The following GTF2A2 variants were observed in gnomAD, a reference collection of about 807,000 sequenced individuals.
GTF2A2 encodes the protein transcription initiation factor IIA subunit 2.
GTF2A2 carries 9 observed loss-of-function variants against 14.3 expected under a neutral mutation model. The observed-to-expected ratio is 0.63, with a 90% CI of 0.38 to 1.10. The LOEUF is 1.10. GTF2A2 is among the 50% of genes least tolerant of loss of function. The pLI is 0.01. For synonymous variants in GTF2A2, 56 were observed against 46.0 expected (o/e 1.22, Z -0.88); for missense variants, 90 against 124.6 (o/e 0.72, Z 1.32).
intron 1 of GTF2A2, 85 bp from the exon 2 acceptor site, chr15:59,652,411 C>T: frequency 1.7e-6 from 1 of 587,852 alleles, no homozygotes; most frequent in East Asian, 3.0e-5. Context: ...CTCAAATATT[C>T]TAATATAGAA....
In GTF2A2 at chr15:59,646,214, AC is replaced by A. The variant is rs372157190; in HGVS notation, c.178-3953del. On this transcript the variant is annotated intron_variant, in intron 3 of 4. Coordinates refer to ENST00000396060, the MANE Select transcript of GTF2A2 (RefSeq NM_004492.3). ...TGGGACTACAGGAATGCGCCACCAC[AC>A]CCAGCTAATTTTTGTATTTTTAGTA... Among the ~76,000 whole-genome samples the A allele has an allele frequency of 3.8e-3, 580 of 151,920 alleles. 1 individual carries two copies. The highest frequency in any genetic ancestry group is 0.014 in the African/African-American group (566 of 41,448).
At chr15:59,648,811 G>A in intron 3 of GTF2A2, among the ~76,000 whole-genome samples, 1 of 152,098 alleles carries the variant, frequency 6.6e-6, no homozygotes, top group Non-Finnish European at 1.5e-5. Context: ...GCGGGCACCT[G>A]TAGTCCCAGC....
At chr15:59,652,839 T>C (rs559444589) in intron 1 of GTF2A2, 1 of 152,338 alleles carries the variant, frequency 6.6e-6, no homozygotes, top group South Asian at 2.1e-4. Flanking sequence ...GTAACAAACA[T>C]ACAAAAAGAT....
chr15:59,640,542 T>C (rs1427849364), intron 4 of GTF2A2, among the ~76,000 whole-genome samples: 1 of 152,194 alleles, frequency 6.6e-6, no homozygotes, highest in Non-Finnish European at 1.5e-5. Flanking sequence ...GTTAAGTTCC[T>C]CAGCTGCCCA....
chr15:59,643,595 C>CTTTTTT (rs34047348), intron 3 of GTF2A2, among the ~76,000 whole-genome samples: 1 of 109,826 alleles, frequency 9.1e-6, no homozygotes, highest in African/African-American at 3.5e-5. Flanking sequence ...GAAATTTTTA[C>CTTTTTT]TTTTTTTTTT....
chr15:59,653,058 TA>T (rs1891840899), intron 1 of GTF2A2: 1 of 152,238 alleles, frequency 6.6e-6, no homozygotes, highest in Non-Finnish European at 1.5e-5. Context: ...TATCAGGGCA[TA>T]AGTACGAATA....
intron 3 of GTF2A2, among the ~76,000 whole-genome samples, chr15:59,649,929 C>T (rs1004690098): frequency 6.6e-6 from 1 of 152,084 alleles, no homozygotes; most frequent in South Asian, 2.1e-4. Flanking sequence ...ATATTTTAAC[C>T]TTCTTTTGAC....
Position 59,638,164 on chromosome 15 carries a change from A to G in GTF2A2, c.*968T>C, listed in dbSNP as rs539271751. Reference sequence around the variant, plus strand: ...AGTAATCCTCCAGTCTCAGCCTCCTAAAGTACTGGGATTACTTACAGGTGT... The same window carrying G: ...AGTAATCCTCCAGTCTCAGCCTCCTGAAGTACTGGGATTACTTACAGGTGT... On this transcript the variant is annotated 3_prime_UTR_variant, in exon 5 of 5. Coordinates refer to ENST00000396060, the MANE Select transcript of GTF2A2 (RefSeq NM_004492.3). 2 of 152,154 alleles carry G rather than the reference A, an allele frequency of 1.3e-5. No individual in the cohort carries two copies. The highest frequency in any genetic ancestry group is 6.5e-5 in the Admixed American group (1 of 15,268). 9.4% of individuals were successfully genotyped at this position (152,154 alleles called of 1,614,324 possible).
At chr15:59,655,064 C>T (rs1158425019) in intron 1 of GTF2A2, among the ~76,000 whole-genome samples, 1 of 152,176 alleles carries the variant, frequency 6.6e-6, no homozygotes, top group Non-Finnish European at 1.5e-5. Context: ...AATCCTTCTA[C>T]CTTTGTATCA....
At chr15:59,643,858 A>C (rs909437224) in intron 3 of GTF2A2, among the ~76,000 whole-genome samples, 2 of 151,552 alleles carry the variant, frequency 1.3e-5, no homozygotes, top group African/African-American at 4.9e-5. Flanking sequence ...TTGGCCTCCC[A>C]AAGTTTTGGA....
intron 3 of GTF2A2, among the ~76,000 whole-genome samples, chr15:59,645,026 T>C (rs1372905165): frequency 6.6e-6 from 1 of 152,064 alleles, no homozygotes; most frequent in East Asian, 1.9e-4. Flanking sequence ...ACTACAGTAA[T>C]AGTATAGTAA....
chr15:59,644,658 C>T (rs1891544178), intron 3 of GTF2A2, among the ~76,000 whole-genome samples: 1 of 152,102 alleles, frequency 6.6e-6, no homozygotes, highest in Admixed American at 6.6e-5. Context: ...GTATGGAGGA[C>T]ACAAGGCAGA....
chr15:59,650,735 T>A lies in GTF2A2; in HGVS notation c.111A>T (p.Leu37=). 6.2e-7 allele frequency: 1 copy of A among 1,611,400 alleles called. No homozygotes were observed. The highest frequency in any genetic ancestry group is 1.3e-5 in the African/African-American group (1 of 74,948). Residue 37 remains leucine, a synonymous_variant, in exon 3 of 5, where the codon CTA becomes CTT. Transcript: ENST00000396060. ...CATTTATAGCCTTATCAAACTGAAG[T>A]AGAACTTGAAGGGCAAGTTGGGGGG... ...QITPQLALQV[L]LQFDKAINAA... is the part of the protein sequence containing the mutation.
chr15:59,644,225 C>T (rs1475678034), intron 3 of GTF2A2: 5 of 152,136 alleles, frequency 3.3e-5, no homozygotes, highest in Admixed American at 2.0e-4. Flanking sequence ...TGATGAAAGT[C>T]GTGCATAGAC....
At chr15:59,640,264 T>C (rs1338439805) in intron 4 of GTF2A2, 2 of 152,074 alleles carry the variant, frequency 1.3e-5, no homozygotes, top group Non-Finnish European at 2.9e-5. Context: ...TCTTGTATAG[T>C]AAAGAGAAAC....
intron 3 of GTF2A2, among the ~76,000 whole-genome samples, chr15:59,643,595 C>CTTTT (rs34047348): frequency 9.1e-6 from 1 of 109,826 alleles, no homozygotes; most frequent in Non-Finnish European, 1.9e-5. Flanking sequence ...GAAATTTTTA[C>CTTTT]TTTTTTTTTT....
intron 4 of GTF2A2, chr15:59,640,156 T>TGAG (rs1891358158): frequency 6.6e-6 from 1 of 151,684 alleles, no homozygotes; most frequent in Non-Finnish European, 1.5e-5. Context: ...AAAGATCAAT[T>TGAG]ACTACACCGT....
intron 4 of GTF2A2, 40 bp from the exon 5 acceptor site, chr15:59,639,197 G>C (rs1172355019): frequency 3.3e-6 from 4 of 1,221,256 alleles, no homozygotes; most frequent in Non-Finnish European, 4.8e-6. Context: ...GTAAATTCAA[G>C]GAGCAATTTA....
chr15:59,648,394 T>G (rs1475055546), intron 3 of GTF2A2, among the ~76,000 whole-genome samples: 1 of 96,102 alleles, frequency 1.0e-5, no homozygotes, highest in African/African-American at 4.1e-5. Context: ...GGTAACAGAC[T>G]TCGTCTCAAA....
Sources: allele counts gnomAD v4.1 joint callset (sites outside exome capture counted in the v4.1 genomes callset), GRCh38; gene constraint gnomAD v4.1.1; transcripts MANE v1.5; gene names NCBI Gene and HGNC (gene_info 2026-07-23, HGNC 2026-07-21).